GADL1: variants seen among roughly 807,000 people sequenced by gnomAD.
The protein encoded by GADL1 is GAD like acidic amino acid decarboxylase 1, also known as acidic amino acid decarboxylase GADL1.
Under a neutral mutation model 69.5 loss-of-function variants are expected in GADL1, and 71 were observed. That is an observed-to-expected ratio of 1.02 (90% CI 0.84 to 1.25). GADL1 has a LOEUF of 1.25. Ranked by LOEUF, GADL1 falls within the 50% of genes most tolerant of loss-of-function variation. GADL1 has a pLI of 0.00. For synonymous variants in GADL1, 254 were observed against 214.4 expected (o/e 1.18, Z -1.62); for missense variants, 737 against 631.8 (o/e 1.17, Z -1.79).
intron 1 of GADL1, among the ~76,000 whole-genome samples, chr3:30,889,378 C>G (rs189277904): frequency 1.3e-5 from 2 of 152,206 alleles, no homozygotes; most frequent in Non-Finnish European, 2.9e-5. Flanking sequence ...CTGGAGCTGC[C>G]TTTGCAGACA....
chr3:30,757,522 T>C (rs1371012832), intron 14 of GADL1, among the ~76,000 whole-genome samples: 1 of 152,228 alleles, frequency 6.6e-6, no homozygotes, highest in African/African-American at 2.4e-5. Flanking sequence ...GTGTACAGCC[T>C]TAAAGCTAAT....
intron 1 of GADL1, among the ~76,000 whole-genome samples, chr3:30,866,294 C>T (rs937876017): frequency 1.3e-5 from 2 of 151,724 alleles, no homozygotes; most frequent in African/African-American, 4.8e-5. Flanking sequence ...CCTGTCTCTA[C>T]CAAAAAATAC....
chr3:30,819,375 A>G (rs1697531163), intron 11 of GADL1, among the ~76,000 whole-genome samples: 1 of 152,122 alleles, frequency 6.6e-6, no homozygotes, highest in Non-Finnish European at 1.5e-5. Context: ...GTCACTCTTT[A>G]TCTCTGGTTT....
intron 11 of GADL1, among the ~76,000 whole-genome samples, chr3:30,810,184 G>A (rs1425040737): frequency 6.6e-6 from 1 of 152,124 alleles, no homozygotes; most frequent in Non-Finnish European, 1.5e-5. Flanking sequence ...TCACAAACTG[G>A]CTTGATGGTC....
chr3:30,785,858 AT>A (rs745846005), intron 13 of GADL1, among the ~76,000 whole-genome samples: 1 of 152,202 alleles, frequency 6.6e-6, no homozygotes. Flanking sequence ...TTAGAAAAAA[AT>A]ATTCTCTACA....
At chr3:30,874,789 A>G (rs1698554196) in intron 1 of GADL1, among the ~76,000 whole-genome samples, 1 of 151,980 alleles carries the variant, frequency 6.6e-6, no homozygotes, top group Admixed American at 6.6e-5. Context: ...TGAAAATACA[A>G]ACAACTAAAC....
intron 14 of GADL1, among the ~76,000 whole-genome samples, chr3:30,739,039 C>T (rs1232370899): frequency 2.0e-5 from 3 of 152,192 alleles, no homozygotes; most frequent in Non-Finnish European, 4.4e-5. Flanking sequence ...AGGCAAAACT[C>T]CTACCTAGCA....
intron 13 of GADL1, among the ~76,000 whole-genome samples, chr3:30,782,938 G>A (rs950101940): frequency 6.6e-6 from 1 of 152,118 alleles, no homozygotes; most frequent in Non-Finnish European, 1.5e-5. Flanking sequence ...AGTTTTATTA[G>A]ATTACAAGAT....
chr3:30,861,526 G>T (rs1575238593), intron 2 of GADL1, 67 bp downstream of exon 2: 1 of 1,185,392 alleles, frequency 8.4e-7, no homozygotes, highest in East Asian at 2.6e-5. Context: ...TTTCTATTCA[G>T]CCATACTGAT....
At chr3:30,750,244 T>C (rs895309975) in intron 14 of GADL1, among the ~76,000 whole-genome samples, 2 of 152,218 alleles carry the variant, frequency 1.3e-5, no homozygotes, top group Non-Finnish European at 2.9e-5. Flanking sequence ...GCTGGTTTCT[T>C]ACAAAAGTAC....
rs1698190005 is a variant in GADL1 at position 30,854,080 on chromosome 3, A to G, written c.428+619T>C. 2.6e-5 allele frequency among the ~76,000 whole-genome samples: 4 copies of G among 152,234 alleles called. No individual in the cohort carries two copies. The South Asian group carries it at 8.3e-4, about 32-fold the overall frequency. ...TGTACCCACACTGGCCTTTCAGTTCATAGAGAATGGCATGCTGTGTCCTGC... is the reference window on the plus strand; with the variant it reads ...TGTACCCACACTGGCCTTTCAGTTCGTAGAGAATGGCATGCTGTGTCCTGC... On this transcript the variant is annotated intron_variant, in intron 4 of 14. Coordinates refer to ENST00000282538, the MANE Select transcript of GADL1 (RefSeq NM_207359.3).
intron 8 of GADL1, among the ~76,000 whole-genome samples, chr3:30,842,029 T>C (rs115040502): frequency 4.4e-4 from 67 of 152,240 alleles, no homozygotes; most frequent in Non-Finnish European, 8.5e-4. Context: ...GAAAGCTATA[T>C]GGGACAAAAG....
At chr3:30,827,918 A>C (rs1697710485) in intron 11 of GADL1, among the ~76,000 whole-genome samples, 1 of 151,844 alleles carries the variant, frequency 6.6e-6, no homozygotes, top group South Asian at 2.1e-4. Flanking sequence ...TCTCTTTTCT[A>C]ATCAGTTTTA....
At chr3:30,771,630 A>AT (rs143306106) in intron 14 of GADL1, among the ~76,000 whole-genome samples, 33,693 of 152,114 alleles carry the variant, frequency 0.22, 6,773 homozygotes, top group African/African-American at 0.54. Context: ...TATACTATAA[A>AT]TTCTGTAGCA....
intron 11 of GADL1, among the ~76,000 whole-genome samples, chr3:30,812,442 T>C (rs1697375186): frequency 6.6e-6 from 1 of 152,188 alleles, no homozygotes; most frequent in Admixed American, 6.5e-5. Context: ...ACATTGCTCA[T>C]GGCAACAGAC....
chr3:30,882,578 CT>C (rs935753272), intron 1 of GADL1, among the ~76,000 whole-genome samples: 5 of 151,910 alleles, frequency 3.3e-5, no homozygotes, highest in Non-Finnish European at 7.4e-5. Flanking sequence ...ATGATGGATA[CT>C]TGGGTAGCTT....
chr3:30,892,559 C>T (rs1042719685), intron 1 of GADL1, among the ~76,000 whole-genome samples: 1 of 152,220 alleles, frequency 6.6e-6, no homozygotes. Flanking sequence ...ATCATATATT[C>T]AGCTACCAAA....
Position 30,767,387 on chromosome 3 carries a change from T to C in GADL1, c.1392+10792A>G, listed in dbSNP as rs183938534. 1.9e-4 allele frequency among the ~76,000 whole-genome samples: 27 copies of C among 143,602 alleles called. 1 individual carries two copies. The highest frequency in any genetic ancestry group is 5.9e-4 in the African/African-American group (23 of 39,098). The allele number at this position is 143,602 out of a possible 152,430, so 94.2% of individuals were successfully genotyped here. On this transcript the variant is annotated intron_variant, in intron 14 of 14. Coordinates refer to ENST00000282538, the MANE Select transcript of GADL1 (RefSeq NM_207359.3). ...GAGAACCTATCGTAAAGGAAAGCCA[T>C]TTAAATCCTTTGGTTCTTGGCACAA...
chr3:30,829,278 G>C (rs938498428), intron 11 of GADL1, among the ~76,000 whole-genome samples: 7 of 151,698 alleles, frequency 4.6e-5, no homozygotes, highest in Non-Finnish European at 8.8e-5. Context: ...AACTTTGAGA[G>C]CATCAGCTGT....
Sources: gnomAD v4.1 joint callset for allele counts (sites outside exome capture counted in the v4.1 genomes callset) on GRCh38, gnomAD v4.1.1 for gene constraint, MANE v1.5 for transcripts, NCBI Gene and HGNC (gene_info 2026-07-23, HGNC 2026-07-21) for gene names.